CRYBG1: variants seen among roughly 807,000 people sequenced by gnomAD.
The protein encoded by CRYBG1 is beta/gamma crystallin domain-containing protein 1.
CRYBG1 carries 139 observed loss-of-function variants against 189.2 expected under a neutral mutation model. That is an observed-to-expected ratio of 0.73 (90% CI 0.64 to 0.85). CRYBG1 has a LOEUF of 0.85. CRYBG1 is among the 40% of genes least tolerant of loss of function. The pLI, the probability that CRYBG1 is intolerant of heterozygous loss-of-function variation, is 0.00. For missense variants in CRYBG1, 2,611 were observed against 2,675.8 expected (o/e 0.98, Z 0.53); for synonymous variants, 1,023 against 1,017.1 (o/e 1.01, Z -0.11).
intron 1 of CRYBG1, among the ~76,000 whole-genome samples, chr6:106,421,822 A>G (rs1771128496): frequency 6.6e-6 from 1 of 152,202 alleles, no homozygotes; most frequent in Admixed American, 6.5e-5. Context: ...TTGGCTGGGG[A>G]AGCCTCACAG....
At chr6:106,448,935 A>G (rs939551054) in intron 1 of CRYBG1, among the ~76,000 whole-genome samples, 1 of 152,234 alleles carries the variant, frequency 6.6e-6, no homozygotes, top group Non-Finnish European at 1.5e-5. Context: ...TCATACCTCT[A>G]TGTGACAGCT....
chr6:106,388,779 A>G (rs1770438861), intron 1 of CRYBG1, among the ~76,000 whole-genome samples: 1 of 152,244 alleles, frequency 6.6e-6, no homozygotes. Context: ...ATGCCACCAT[A>G]TAAGAAACAA....
chr6:106,368,794 A>G (rs1769957838), intron 1 of CRYBG1, among the ~76,000 whole-genome samples: 1 of 152,126 alleles, frequency 6.6e-6, no homozygotes, highest in Non-Finnish European at 1.5e-5. Flanking sequence ...TACAGTATAT[A>G]CTATAGTGTG....
chr6:106,520,397 C>A lies in CRYBG1; in HGVS notation c.3189C>A (p.Ser1063Arg), dbSNP rs767465093. ...AESSPTNSPS[S>R]GNHLATPQRP... ...CCAGTCCCACCAACTCTCCCAGCAG[C>A]GGAAATCACTTAGCCACTCCTCAAA... The change falls in exon 4 of 22, where the codon AGC (serine) becomes AGA (arginine). Residue 1063 changes from serine to arginine, a missense_variant. By Grantham distance (110) the Ser-to-Arg change is moderately radical. Coordinates refer to ENST00000633556, the MANE Select transcript of CRYBG1 (RefSeq NM_001371242.2). 3.1e-6 allele frequency: 5 copies of A among 1,614,032 alleles called. No homozygotes were observed. In the African/African-American group the frequency reaches 5.3e-5, roughly 17 times the overall value.
In CRYBG1 at chr6:106,520,497, A is replaced by C; in HGVS notation, c.3289A>C (p.Ser1097Arg). 1 of 1,614,168 alleles carries C rather than the reference A, an allele frequency of 6.2e-7. No homozygotes were observed. Among genetic ancestry groups the C allele is most frequent in the Non-Finnish European group, 8.5e-7 (1 of 1,180,026 alleles). ...GAACATTTCTGCTGGTAGTGATGAT[A>C]GTGTATTTGATTCTTCTTCTGATAT... is the stretch of plus-strand genomic sequence containing the variant. ...LLNISAGSDD[S>R]VFDSSSDMEK... Residue 1097 changes from serine (S) to arginine (R), a missense_variant, in exon 4 of 22, where the codon AGT becomes CGT. Ser to Arg is a moderately radical substitution (Grantham distance 110, BLOSUM62 -1). This residue lies in a region of CRYBG1 where 1,622 missense variants were observed against 1,735.0 expected (regional missense o/e 0.93). Transcript: ENST00000633556.
chr6:106,518,715 G>A (rs1773497620), intron 3 of CRYBG1, among the ~76,000 whole-genome samples: 1 of 152,100 alleles, frequency 6.6e-6, no homozygotes, highest in Non-Finnish European at 1.5e-5. Flanking sequence ...CCCAGCACTT[G>A]GGGAGGCCAA....
At chr6:106,371,010 G>T (rs1035984243) in intron 1 of CRYBG1, among the ~76,000 whole-genome samples, 1 of 152,012 alleles carries the variant, frequency 6.6e-6, no homozygotes, top group African/African-American at 2.4e-5. Flanking sequence ...CCTAAAAAAA[G>T]CCAACAAAAA....
At position 106,451,731 on chromosome 6, in the gene CRYBG1, G is replaced by A; in HGVS notation, c.211G>A (p.Asp71Asn). 1 of 1,534,538 alleles carries A rather than the reference G, an allele frequency of 6.5e-7. No individual in the cohort carries two copies. Among genetic ancestry groups the A allele is most frequent in the Non-Finnish European group, 8.7e-7 (1 of 1,146,290 alleles). Residue 71 changes from aspartate to asparagine, a missense_variant, in exon 2 of 22, where the codon GAC becomes AAC. Coordinates refer to ENST00000633556, the MANE Select transcript of CRYBG1 (RefSeq NM_001371242.2). Reference protein sequence around the residue: ...DVVDGKYVVRDSQEFPLHCGE... With the variant: ...DVVDGKYVVRNSQEFPLHCGE... ...AGTCGATGGAAAATATGTGGTTCGA[G>A]ACTCCCAGGAATTTCCACTGCACTG...
chr6:106,377,783 AC>A (rs1190848889), intron 1 of CRYBG1, among the ~76,000 whole-genome samples: 2 of 152,014 alleles, frequency 1.3e-5, no homozygotes, highest in African/African-American at 4.8e-5. Flanking sequence ...AGTGTATCCT[AC>A]CACAGGTATA....
Position 106,520,439 on chromosome 6 carries a change from T to C in CRYBG1, c.3231T>C (p.Val1077=). 1 of 1,614,158 alleles carries C rather than the reference T, an allele frequency of 6.2e-7. No homozygotes were observed. Among genetic ancestry groups the C allele is most frequent in the Admixed American group, 1.7e-5 (1 of 60,012 alleles). Residue 1077 remains valine (V), a synonymous_variant, in exon 4 of 22, where the codon GTT becomes GTC. Coordinates refer to ENST00000633556, the MANE Select transcript of CRYBG1 (RefSeq NM_001371242.2). Reference sequence around the variant, plus strand: ...CTCCTCAAAGGCCAGATCAGACTGTTACAAATGGCCAGGATAGCCCTGCCA... The same window carrying C: ...CTCCTCAAAGGCCAGATCAGACTGTCACAAATGGCCAGGATAGCCCTGCCA... ...LATPQRPDQT[V]TNGQDSPASL...
intron 1 of CRYBG1, among the ~76,000 whole-genome samples, chr6:106,439,488 C>T (rs546268788): frequency 6.6e-6 from 1 of 152,252 alleles, no homozygotes; most frequent in African/African-American, 2.4e-5. Context: ...GCCCAATTTT[C>T]ACAAAGTGAA....
chr6:106,500,178 T>C (rs972013887), intron 2 of CRYBG1, among the ~76,000 whole-genome samples: 1 of 152,214 alleles, frequency 6.6e-6, no homozygotes, highest in African/African-American at 2.4e-5. Context: ...CTTTTGGGTA[T>C]GTACCCAGAA....
chr6:106,440,380 T>C (rs956070918), intron 1 of CRYBG1, among the ~76,000 whole-genome samples: 1 of 152,014 alleles, frequency 6.6e-6, no homozygotes, highest in Non-Finnish European at 1.5e-5. Context: ...GTCTTCTGCC[T>C]CAACCTCCCA....
At chr6:106,399,631 A>C (rs922027511) in intron 1 of CRYBG1, among the ~76,000 whole-genome samples, 14 of 149,696 alleles carry the variant, frequency 9.4e-5, no homozygotes, top group African/African-American at 3.2e-4. Flanking sequence ...GGGTTTTCCG[A>C]TCGGTCCTTT....
chr6:106,465,971 T>C lies in CRYBG1; in HGVS notation c.312+14139T>C, dbSNP rs180785088. Among the ~76,000 whole-genome samples, 38 of 152,338 alleles carry C rather than the reference T, an allele frequency of 2.5e-4. No individual in the cohort carries two copies. The East Asian group carries it at 4.8e-3, about 19-fold the overall frequency. On this transcript the variant is annotated intron_variant, in intron 2 of 21. Coordinates refer to ENST00000633556, the MANE Select transcript of CRYBG1 (RefSeq NM_001371242.2). ...ATCTGTGCATTAGCAACCTTAAATA[T>C]CTAGATTCATCCCTTCCTTCCAGTC...
At chr6:106,465,803 G>T (rs918642699) in intron 2 of CRYBG1, among the ~76,000 whole-genome samples, 7 of 151,620 alleles carry the variant, frequency 4.6e-5, no homozygotes, top group Admixed American at 3.3e-4. Context: ...GTCTTTTTTT[G>T]CTCTATTTTT....
rs1419204336 is a variant in CRYBG1 at position 106,377,621 on chromosome 6, T to TATATATATA, written c.173+16540_173+16541insATATATATA. On this transcript the variant is annotated intron_variant, in intron 1 of 21. Transcript: ENST00000633556. ...TGTGTAACTCATAAGTCCTAAGGTT[T>TATATATATA]TATATATATATATATATATATATAT... Among the ~76,000 whole-genome samples, 20 of 69,496 alleles carry TATATATATA rather than the reference T, an allele frequency of 2.9e-4. No individual in the cohort carries two copies. In the South Asian group the frequency reaches 3.7e-3, roughly 13 times the overall value. 45.6% of individuals were successfully genotyped at this position (69,496 alleles called of 152,430 possible). A position where few individuals can be genotyped will look rare whatever the true frequency, so the allele number is the denominator to read the frequency against.
intron 3 of CRYBG1, among the ~76,000 whole-genome samples, chr6:106,513,894 T>C (rs1378081854): frequency 6.6e-6 from 1 of 152,224 alleles, no homozygotes; most frequent in East Asian, 1.9e-4. Context: ...CACAAGTAAT[T>C]TATTTAATAC....
In CRYBG1 at chr6:106,566,464, C is replaced by CTTTTTTTTTTTTTTTT. The variant is rs34773477; in HGVS notation, c.6302-1998_6302-1983dup. 3.6e-4 allele frequency among the ~76,000 whole-genome samples: 26 copies of CTTTTTTTTTTTTTTTT among 71,670 alleles called. 3 individuals carry two copies. The highest frequency in any genetic ancestry group is 9.8e-4 in the East Asian group (2 of 2,044). 47.0% of individuals were successfully genotyped at this position (71,670 alleles called of 152,430 possible). On this transcript the variant is annotated intron_variant, in intron 21 of 21. Transcript: ENST00000633556. ...TATCTAGCACGGTAGCAACAACAGT[C>CTTTTTTTTTTTTTTTT]TTTTTTTTTTTTTTTTTTTTTTTTT...
Sources: allele counts gnomAD v4.1 joint callset (sites outside exome capture counted in the v4.1 genomes callset), GRCh38; gene constraint gnomAD v4.1.1; regional missense constraint gnomAD v4.1.1; transcripts MANE v1.5; gene names NCBI Gene and HGNC (gene_info 2026-07-23, HGNC 2026-07-21).